The following TNKS variants were observed in gnomAD, a reference collection of about 807,000 sequenced individuals.
TNKS encodes the protein poly [ADP-ribose] polymerase tankyrase-1.
Under a neutral mutation model 135.8 loss-of-function variants are expected in TNKS, and 72 were observed. The observed-to-expected ratio is 0.53, with a 90% confidence interval of 0.44 to 0.64. The LOEUF is 0.64. Ranked by LOEUF, TNKS falls within the 30% of genes least tolerant of loss-of-function variation. TNKS has a pLI of 0.00. For synonymous variants in TNKS, 849 were observed against 649.3 expected, an observed-to-expected ratio of 1.31 and a Z score of -4.68; for missense variants, 1,769 against 1,674.0, an observed-to-expected ratio of 1.06 and a Z score of -0.99.
At chr8:9,633,600 C>T (rs575602895) in intron 3 of TNKS, among the ~76,000 whole-genome samples, 17 of 152,302 alleles carry the variant, frequency 1.1e-4, no homozygotes, top group African/African-American at 4.1e-4. Context: ...TTCTGTGTGA[C>T]CACTAGCATA....
At chr8:9,655,117 T>C (rs1313595227) in intron 3 of TNKS, among the ~76,000 whole-genome samples, 1 of 152,172 alleles carries the variant, frequency 6.6e-6, no homozygotes, top group African/African-American at 2.4e-5. Context: ...GCTTGGAGGA[T>C]CCTACGCCCA....
At chr8:9,725,255 G>A (rs1178478849) in intron 12 of TNKS, among the ~76,000 whole-genome samples, 4 of 152,184 alleles carry the variant, frequency 2.6e-5, no homozygotes, top group African/African-American at 9.7e-5. Context: ...AATGCTTTTG[G>A]AATGCTCTCT....
intron 26 of TNKS, among the ~76,000 whole-genome samples, chr8:9,775,031 C>A (rs924467252): frequency 2.0e-5 from 3 of 152,100 alleles, no homozygotes; most frequent in African/African-American, 4.8e-5. Flanking sequence ...CATCTCACAC[C>A]AGAGTGTTCT....
chr8:9,638,862 G>A (rs911890067), intron 3 of TNKS, among the ~76,000 whole-genome samples: 30 of 152,240 alleles, frequency 2.0e-4, no homozygotes, highest in African/African-American at 7.2e-4. Flanking sequence ...AGAACTGAGT[G>A]TATATCTATT....
chr8:9,607,069 A>T (rs1239995826), intron 2 of TNKS, among the ~76,000 whole-genome samples: 1 of 152,200 alleles, frequency 6.6e-6, no homozygotes, highest in Non-Finnish European at 1.5e-5. Flanking sequence ...CTTAAAAATT[A>T]TTGAGCGTTC....
In TNKS at chr8:9,676,686, C is replaced by CTCTGTGTGTGTGTGTG. The variant is rs1554467464; in HGVS notation, c.995-3264_995-3263insCTGTGTGTGTGTGTGT. On this transcript the variant is annotated intron_variant, in intron 3 of 26. Coordinates refer to ENST00000310430, the MANE Select transcript of TNKS (RefSeq NM_003747.3). The stretch of plus-strand genomic sequence containing the variant: ...CTCGTATTTCTCCCTCTCTCTCTCT[C>CTCTGTGTGTGTGTGTG]TGTGTGTGTGTGTGTGTGTGTGTGT... Among the ~76,000 whole-genome samples, 656 of 147,872 alleles carry CTCTGTGTGTGTGTGTG rather than the reference C, an allele frequency of 4.4e-3. 7 individuals carry two copies. The highest frequency in any genetic ancestry group is 0.015 in the African/African-American group (609 of 39,920).
At chr8:9,625,528 A>C (rs1397666945) in intron 3 of TNKS, among the ~76,000 whole-genome samples, 1 of 151,468 alleles carries the variant, frequency 6.6e-6, no homozygotes, top group Non-Finnish European at 1.5e-5. Context: ...TAATGTTATA[A>C]TTTTTCTTTT....
At chr8:9,764,899 T>C in intron 23 of TNKS, 109 bp downstream of exon 23, 1 of 800,190 alleles carries the variant, frequency 1.2e-6, no homozygotes, top group African/African-American at 1.8e-5. Flanking sequence ...CTGTGAAAGA[T>C]AATTCGTCAC....
At chr8:9,768,525 G>A (rs1195913023) in intron 25 of TNKS, among the ~76,000 whole-genome samples, 1 of 152,230 alleles carries the variant, frequency 6.6e-6, no homozygotes, top group Admixed American at 6.5e-5. Context: ...GCACCACAAT[G>A]CACCAGACAA....
At chr8:9,583,975 T>C (rs1172496933) in intron 2 of TNKS, among the ~76,000 whole-genome samples, 1 of 151,628 alleles carries the variant, frequency 6.6e-6, no homozygotes, top group South Asian at 2.1e-4. Context: ...CCATCCTGGC[T>C]AACACAGTGA....
rs760438238 is a variant in TNKS at position 9,748,157 on chromosome 8, G to T, written c.2777G>T (p.Gly926Val). The T allele has an allele frequency of 6.2e-7, 1 of 1,604,710 alleles. No individual in the cohort carries two copies. Among genetic ancestry groups the T allele is most frequent in the Non-Finnish European group, 8.5e-7 (1 of 1,175,584 alleles). The change falls in exon 18 of 27, where the codon GGT (glycine) becomes GTT (valine). Residue 926 changes from glycine to valine, a missense_variant. By Grantham distance (109) the Gly-to-Val change is moderately radical (BLOSUM62 -3). Coordinates refer to ENST00000310430, the MANE Select transcript of TNKS (RefSeq NM_003747.3). The part of the protein sequence containing the change: ...TQLCALLLAH[G>V]ADPTMKNQEG... ...CTGTGCGCCCTCCTCCTAGCGCATGGTGCAGACCCCACCATGAAGAACCAG... is the reference window on the plus strand; with the variant it reads ...CTGTGCGCCCTCCTCCTAGCGCATGTTGCAGACCCCACCATGAAGAACCAG...
intron 3 of TNKS, among the ~76,000 whole-genome samples, chr8:9,626,935 T>A (rs932738212): frequency 6.6e-6 from 1 of 152,202 alleles, no homozygotes; most frequent in African/African-American, 2.4e-5. Flanking sequence ...GCTAATGAGT[T>A]TACTGATGCC....
At chr8:9,651,163 C>T (rs531311865) in intron 3 of TNKS, among the ~76,000 whole-genome samples, 17 of 151,932 alleles carry the variant, frequency 1.1e-4, no homozygotes, top group Non-Finnish European at 2.2e-4. Flanking sequence ...CTCTTCTGTT[C>T]CAACTAATTG....
chr8:9,570,908 G>C (rs1797730727), intron 1 of TNKS, among the ~76,000 whole-genome samples: 1 of 152,164 alleles, frequency 6.6e-6, no homozygotes, highest in South Asian at 2.1e-4. Context: ...AGTCAAGTTT[G>C]CAGTGAGCTC....
At chr8:9,596,865 G>C (rs569478655) in intron 2 of TNKS, among the ~76,000 whole-genome samples, 213 of 152,348 alleles carry the variant, frequency 1.4e-3, no homozygotes, top group Middle Eastern at 3.4e-3. Flanking sequence ...ACCAGGCCAG[G>C]AAATGTTCTA....
chr8:9,556,798 G>T (rs958982380), intron 1 of TNKS, 186 bp downstream of exon 1: 10 of 403,142 alleles, frequency 2.5e-5, no homozygotes, highest in African/African-American at 1.5e-4. Context: ...TGGTTGGGGG[G>T]GATAAGTGAA....
chr8:9,699,041 GA>G (rs1489072255), intron 5 of TNKS, among the ~76,000 whole-genome samples: 1 of 152,162 alleles, frequency 6.6e-6, no homozygotes, highest in Non-Finnish European at 1.5e-5. Flanking sequence ...GATCCTAACA[GA>G]AACGTCTGTT....
intron 3 of TNKS, among the ~76,000 whole-genome samples, chr8:9,623,024 A>G (rs554199385): frequency 6.6e-6 from 1 of 152,332 alleles, no homozygotes; most frequent in African/African-American, 2.4e-5. Flanking sequence ...AGTTATAATG[A>G]TGAACTGTAA....
intron 1 of TNKS, 76 bp from the exon 2 acceptor site, chr8:9,580,083 T>C: frequency 8.0e-7 from 1 of 1,248,752 alleles, no homozygotes; most frequent in Non-Finnish European, 1.2e-6. Context: ...TACTTGTTGA[T>C]ATTGTTACAG....
Sources: gnomAD v4.1 joint callset for allele counts (sites outside exome capture counted in the v4.1 genomes callset) on GRCh38, gnomAD v4.1.1 for gene constraint, MANE v1.5 for transcripts, NCBI Gene and HGNC (gene_info 2026-07-23, HGNC 2026-07-21) for gene names.